DLGAP1: variants seen among roughly 807,000 people sequenced by gnomAD.
The protein encoded by DLGAP1 is disks large-associated protein 1.
In DLGAP1, 11 loss-of-function variants were observed where a neutral mutation model predicts 90.8. That is an observed-to-expected ratio of 0.12 (90% CI 0.08 to 0.20). The LOEUF (loss-of-function observed/expected upper bound fraction) is 0.20, where lower values mean the gene tolerates loss of function less well. Among genes scored for constraint, DLGAP1 ranks in the 10% least tolerant of loss-of-function variants. The pLI is 1.00. For missense variants in DLGAP1, 1,050 were observed against 1,333.8 expected (o/e 0.79, Z 3.31); for synonymous variants, 558 against 540.7 (o/e 1.03, Z -0.44).
chr18:3,817,140 C>G (rs1305057745), intron 4 of DLGAP1, among the ~76,000 whole-genome samples: 1 of 152,174 alleles, frequency 6.6e-6, no homozygotes, highest in Non-Finnish European at 1.5e-5. Context: ...ATGACGCACA[C>G]CACACTTGCT....
intron 2 of DLGAP1, among the ~76,000 whole-genome samples, chr18:4,105,911 A>G (rs944779301): frequency 2.0e-5 from 3 of 152,020 alleles, no homozygotes; most frequent in Admixed American, 1.3e-4. Flanking sequence ...GGGCACCTGT[A>G]GTCCCAGCTA....
intron 7 of DLGAP1, among the ~76,000 whole-genome samples, chr18:3,676,692 G>T: frequency 6.8e-6 from 1 of 146,948 alleles, no homozygotes; most frequent in Non-Finnish European, 1.5e-5. Context: ...TACTTCTCCT[G>T]TTTTTTTTTT....
intron 7 of DLGAP1, among the ~76,000 whole-genome samples, chr18:3,635,434 C>T (rs370157329): frequency 4.0e-5 from 6 of 151,496 alleles, no homozygotes; most frequent in African/African-American, 7.3e-5. Context: ...CCACCGCGCC[C>T]GGCCTGTCTG....
intron 7 of DLGAP1, among the ~76,000 whole-genome samples, chr18:3,611,905 C>G (rs889141898): frequency 3.3e-5 from 5 of 152,216 alleles, no homozygotes; most frequent in Non-Finnish European, 5.9e-5. Context: ...TTTAACATCC[C>G]AGATCCTCTC....
At chr18:4,130,147 G>A (rs142944174) in intron 2 of DLGAP1, among the ~76,000 whole-genome samples, 47 of 152,186 alleles carry the variant, frequency 3.1e-4, no homozygotes, top group Non-Finnish European at 6.3e-4. Flanking sequence ...TTTTCCTTCC[G>A]TGTTGGTTTT....
chr18:4,434,178 CA>C (rs200611870), intron 1 of DLGAP1, among the ~76,000 whole-genome samples: 1 of 42,596 alleles, frequency 2.3e-5, no homozygotes, highest in Non-Finnish European at 9.3e-5. Context: ...TATACAACAG[CA>C]TTTTTTTTTA....
intron 3 of DLGAP1, among the ~76,000 whole-genome samples, chr18:3,984,696 T>C (rs953688336): frequency 1.3e-4 from 20 of 152,300 alleles, no homozygotes; most frequent in African/African-American, 4.8e-4. Flanking sequence ...GGTTGAGGCC[T>C]ATTTATGTTA....
chr18:3,592,878 G>GAAAAAA (rs1568260542), intron 7 of DLGAP1, among the ~76,000 whole-genome samples: 1 of 113,862 alleles, frequency 8.8e-6, no homozygotes, highest in Non-Finnish European at 1.8e-5. Flanking sequence ...GAAAAAGAAA[G>GAAAAAA]AAAGAAAAAG....
intron 7 of DLGAP1, among the ~76,000 whole-genome samples, chr18:3,610,990 G>A (rs1188166124): frequency 6.6e-6 from 1 of 151,068 alleles, no homozygotes; most frequent in Non-Finnish European, 1.5e-5. Flanking sequence ...TTGTATGCCA[G>A]CCATGTGTGG....
intron 2 of DLGAP1, among the ~76,000 whole-genome samples, chr18:4,085,681 C>T (rs2075671776): frequency 6.6e-6 from 1 of 152,176 alleles, no homozygotes; most frequent in African/African-American, 2.4e-5. Flanking sequence ...TGACAACTCA[C>T]CCTGCTTGAG....
At chr18:4,170,609 G>A (rs1478281194) in intron 1 of DLGAP1, among the ~76,000 whole-genome samples, 1 of 152,122 alleles carries the variant, frequency 6.6e-6, no homozygotes, top group Non-Finnish European at 1.5e-5. Flanking sequence ...AATGACCCCA[G>A]GACATCTGAC....
intron 3 of DLGAP1, among the ~76,000 whole-genome samples, chr18:3,980,402 C>A (rs146182188): frequency 6.6e-6 from 1 of 152,208 alleles, no homozygotes; most frequent in African/African-American, 2.4e-5. Flanking sequence ...TTTGCAGCTG[C>A]ACTTGATGAG....
At chr18:4,411,768 C>G (rs1382576631) in intron 1 of DLGAP1, among the ~76,000 whole-genome samples, 1 of 152,094 alleles carries the variant, frequency 6.6e-6, no homozygotes, top group Non-Finnish European at 1.5e-5. Context: ...GACTAGAGCA[C>G]CCAGTCCTCC....
At chr18:4,076,396 A>G (rs2075523476) in intron 2 of DLGAP1, among the ~76,000 whole-genome samples, 1 of 152,208 alleles carries the variant, frequency 6.6e-6, no homozygotes, top group Non-Finnish European at 1.5e-5. Context: ...GACTAAAATT[A>G]GATATTGATA....
At chr18:4,298,554 A>G (rs1395705548) in intron 1 of DLGAP1, among the ~76,000 whole-genome samples, 1 of 151,904 alleles carries the variant, frequency 6.6e-6, no homozygotes, top group East Asian at 1.9e-4. Context: ...ATTGTCACTC[A>G]CAGGTGGGAA....
intron 1 of DLGAP1, among the ~76,000 whole-genome samples, chr18:4,448,385 A>G (rs979279087): frequency 1.3e-5 from 2 of 152,182 alleles, no homozygotes; most frequent in Admixed American, 6.5e-5. Flanking sequence ...AGATGTTACA[A>G]ATATTTTTTG....
chr18:4,392,119 T>G (rs2082352495), intron 1 of DLGAP1, among the ~76,000 whole-genome samples: 1 of 152,076 alleles, frequency 6.6e-6, no homozygotes, highest in Admixed American at 6.5e-5. Context: ...TCCTCCTGAT[T>G]ACTAGGTCAT....
chr18:3,799,970 A>C (rs2148317737), intron 5 of DLGAP1, among the ~76,000 whole-genome samples: 1 of 152,206 alleles, frequency 6.6e-6, no homozygotes. Flanking sequence ...TGTTGATCAA[A>C]TATTACCACT....
chr18:3,814,734 C>T (rs2067016883), intron 4 of DLGAP1, among the ~76,000 whole-genome samples: 1 of 152,190 alleles, frequency 6.6e-6, no homozygotes, highest in Admixed American at 6.5e-5. Context: ...GTAATAATCA[C>T]ATCAGGGTAA....
Sources: gnomAD v4.1 joint callset for allele counts (sites outside exome capture counted in the v4.1 genomes callset) on GRCh38, gnomAD v4.1.1 for gene constraint, MANE v1.5 for transcripts, NCBI Gene and HGNC (gene_info 2026-07-23, HGNC 2026-07-21) for gene names.